The following MIS18A variants were observed in gnomAD, a reference collection of about 807,000 sequenced individuals.
MIS18A encodes MIS18 kinetochore protein A.
In MIS18A, 14 loss-of-function variants were observed where a neutral mutation model predicts 25.0. The ratio of observed to expected loss-of-function variants is 0.56; its 90% CI spans 0.37 to 0.88. MIS18A has a LOEUF of 0.88. Among genes scored for constraint, MIS18A ranks in the 40% least tolerant of loss-of-function variants. The probability of loss-of-function intolerance (pLI) is 0.00; values close to 1 mark genes in which losing one functional copy is unlikely to be tolerated. For synonymous variants in MIS18A, 134 were observed against 118.6 expected, an observed-to-expected ratio of 1.13 and a Z score of -0.84; for missense variants, 292 against 290.8, an observed-to-expected ratio of 1.00 and a Z score of -0.03.
At chr21:32,243,943 G>A in the MIS18A span, among the ~76,000 whole-genome samples, 2 of 152,028 alleles carry the variant, frequency 1.3e-5, no homozygotes. Context: ...GACACAGCGA[G>A]ACCCCGACTC....
At chr21:32,196,745 C>G in the MIS18A span, among the ~76,000 whole-genome samples, 1 of 152,128 alleles carries the variant, frequency 6.6e-6, no homozygotes, top group Non-Finnish European at 1.5e-5. Flanking sequence ...TGAGCCACCA[C>G]GCCTGGCCAA....
chr21:32,264,461 C>T (rs2031558326), downstream of MIS18A, among the ~76,000 whole-genome samples: 1 of 152,106 alleles, frequency 6.6e-6, no homozygotes, highest in African/African-American at 2.4e-5. Context: ...AATCTTTATC[C>T]TTTATTTTTA....
the MIS18A span, among the ~76,000 whole-genome samples, chr21:32,208,836 A>G: frequency 2.0e-5 from 3 of 152,222 alleles, no homozygotes; most frequent in South Asian, 2.1e-4. Flanking sequence ...TGATAACTAC[A>G]TGGAGTGTTC....
rs775458862 is a variant in MIS18A at position 32,278,796 on chromosome 21, C to T, written c.219G>A (p.Ala73=). ...CCAGCGGCCTCTCCTCCGCAGCCGC[C>T]GCCTCCTCCTCCAGCTGCGCCCTCT... The part of the protein sequence containing the change: ...DMERAQLEEE[A]AAAEERPLVF... Residue 73 remains alanine (A), a synonymous_variant, in exon 1 of 5, where the codon GCG becomes GCA. Coordinates refer to ENST00000290130, the MANE Select transcript of MIS18A (RefSeq NM_018944.3). The T allele has an allele frequency of 1.3e-6, 2 of 1,587,284 alleles. No homozygotes were observed. The highest frequency in any genetic ancestry group is 8.5e-7 in the Non-Finnish European group (1 of 1,170,298).
the MIS18A span, among the ~76,000 whole-genome samples, chr21:32,258,316 A>C: frequency 6.6e-6 from 1 of 152,198 alleles, no homozygotes; most frequent in Non-Finnish European, 1.5e-5. Context: ...ATACCGAAAA[A>C]GCTGTTAGCA....
chr21:32,254,925 G>C, the MIS18A span, among the ~76,000 whole-genome samples: 1 of 152,192 alleles, frequency 6.6e-6, no homozygotes, highest in Non-Finnish European at 1.5e-5. Context: ...AACGCCGAGA[G>C]TTTGGTTAAG....
chr21:32,259,722 G>A, the MIS18A span: 1 of 152,244 alleles, frequency 6.6e-6, no homozygotes, highest in Non-Finnish European at 1.5e-5. Flanking sequence ...AGCGCGCACT[G>A]AGGCCCACTC....
At chr21:32,176,339 C>T in the MIS18A span, among the ~76,000 whole-genome samples, 473 of 152,268 alleles carry the variant, frequency 3.1e-3, 4 homozygotes, top group African/African-American at 0.011. Context: ...ACGGATATGA[C>T]ATCACTAGGT....
chr21:32,254,860 T>C, the MIS18A span, among the ~76,000 whole-genome samples: 1 of 152,206 alleles, frequency 6.6e-6, no homozygotes, highest in Non-Finnish European at 1.5e-5. Flanking sequence ...TTTCACTAGA[T>C]GTTCAAAACT....
chr21:32,226,704 A>G, the MIS18A span, among the ~76,000 whole-genome samples: 87 of 152,306 alleles, frequency 5.7e-4, no homozygotes, highest in Admixed American at 1.2e-3. Flanking sequence ...AACTAGACAG[A>G]AGATCAACAA....
chr21:32,277,024 T>C (rs2031824709), intron 1 of MIS18A, among the ~76,000 whole-genome samples: 13 of 152,216 alleles, frequency 8.5e-5, no homozygotes, highest in Admixed American at 8.5e-4. Context: ...AATGTAAATG[T>C]ACAGAATGTA....
the MIS18A span, among the ~76,000 whole-genome samples, chr21:32,239,660 A>G: frequency 6.6e-6 from 1 of 152,210 alleles, no homozygotes; most frequent in Non-Finnish European, 1.5e-5. Context: ...TGTGAGCCAT[A>G]GGAGGCTTTT....
At chr21:32,166,785 T>C in the MIS18A span, among the ~76,000 whole-genome samples, 6 of 152,168 alleles carry the variant, frequency 3.9e-5, no homozygotes, top group African/African-American at 1.4e-4. Flanking sequence ...AGTCTAGTGC[T>C]ACCTCCCTGT....
At chr21:32,233,809 G>A in the MIS18A span, among the ~76,000 whole-genome samples, 12 of 152,164 alleles carry the variant, frequency 7.9e-5, no homozygotes, top group Non-Finnish European at 1.8e-4. Flanking sequence ...CCTGGCCATG[G>A]CAAATTGATC....
the MIS18A span, among the ~76,000 whole-genome samples, chr21:32,179,989 C>T: frequency 0.49 from 74,221 of 152,054 alleles, 18,371 homozygotes; most frequent in East Asian, 0.6. Flanking sequence ...GGTAGAATAC[C>T]GTACCAGAGA....
the MIS18A span, among the ~76,000 whole-genome samples, chr21:32,173,955 GTTTTTTTTTTTTTT>G: frequency 0.034 from 3,171 of 92,692 alleles, 185 homozygotes; most frequent in African/African-American, 0.13. Context: ...TACTTTTTAA[GTTTTTTTTTTTTTT>G]TTTTTTTTTT....
chr21:32,266,477 C>T (rs1399354586), downstream of MIS18A, among the ~76,000 whole-genome samples: 1 of 152,202 alleles, frequency 6.6e-6, no homozygotes, highest in Non-Finnish European at 1.5e-5. Flanking sequence ...CTACTGCTCA[C>T]TCTTTGGGTC....
the MIS18A span, among the ~76,000 whole-genome samples, chr21:32,160,497 C>A: frequency 2.0e-5 from 3 of 151,980 alleles, no homozygotes; most frequent in Admixed American, 2.0e-4. Flanking sequence ...CCACGGTGGT[C>A]AGAGCACAGT....
the MIS18A span, among the ~76,000 whole-genome samples, chr21:32,206,643 T>C: frequency 6.6e-6 from 1 of 152,182 alleles, no homozygotes; most frequent in Non-Finnish European, 1.5e-5. Context: ...AAAATGATGA[T>C]GGCACCGTAA....
Sources: gnomAD v4.1 joint callset for allele counts (sites outside exome capture counted in the v4.1 genomes callset) on GRCh38, gnomAD v4.1.1 for gene constraint, MANE v1.5 for transcripts, NCBI Gene and HGNC (gene_info 2026-07-23, HGNC 2026-07-21) for gene names.